Variants in NDST4 observed in about 807,000 individuals in gnomAD.
The protein encoded by NDST4 is N-deacetylase and N-sulfotransferase 4, also known as N-heparan sulfate sulfotransferase 4.
In NDST4, 63 loss-of-function variants were observed where a neutral mutation model predicts 100.8. The observed-to-expected ratio is 0.62, with a 90% CI of 0.51 to 0.77. The LOEUF (loss-of-function observed/expected upper bound fraction) is 0.77, where lower values mean the gene tolerates loss of function less well. NDST4 is among the 30% of genes least tolerant of loss of function. The pLI is 0.00. For missense variants in NDST4, 943 were observed against 1,018.4 expected, an observed-to-expected ratio of 0.93 and a Z score of 1.01; for synonymous variants, 377 against 361.8, an observed-to-expected ratio of 1.04 and a Z score of -0.48.
intron 2 of NDST4, among the ~76,000 whole-genome samples, chr4:115,029,072 C>A (rs1480645885): frequency 6.6e-6 from 1 of 152,008 alleles, no homozygotes; most frequent in Non-Finnish European, 1.5e-5. Context: ...GAGCTTCAGT[C>A]AAGAAACTTA....
chr4:114,900,969 T>C (rs978852283), intron 6 of NDST4, among the ~76,000 whole-genome samples: 2 of 152,104 alleles, frequency 1.3e-5, no homozygotes, highest in Non-Finnish European at 2.9e-5. Flanking sequence ...CTTTCTATTA[T>C]TGATTTCTAG....
At chr4:115,033,842 A>T (rs182969456) in intron 2 of NDST4, among the ~76,000 whole-genome samples, 1 of 152,272 alleles carries the variant, frequency 6.6e-6, no homozygotes, top group Admixed American at 6.5e-5. Flanking sequence ...GAATTAACAT[A>T]AATTACAAAA....
chr4:114,880,518 A>G (rs1192752580), intron 6 of NDST4, among the ~76,000 whole-genome samples: 2 of 152,200 alleles, frequency 1.3e-5, no homozygotes, highest in Admixed American at 6.6e-5. Flanking sequence ...AAACATGTCC[A>G]TTAGTAATCA....
chr4:114,988,271 T>C (rs1726955216), intron 2 of NDST4, among the ~76,000 whole-genome samples: 1 of 151,574 alleles, frequency 6.6e-6, no homozygotes, highest in Non-Finnish European at 1.5e-5. Context: ...ATTCAAATTT[T>C]CATGATCAAT....
chr4:114,977,352 T>C, intron 2 of NDST4, 78 bp from the exon 3 acceptor site: 1 of 882,974 alleles, frequency 1.1e-6, no homozygotes, highest in Non-Finnish European at 1.8e-6. Context: ...CAAATGTGTA[T>C]GCATGAGTAA....
rs966650716 is a variant in NDST4, at chr4:115,051,287, T to A, written c.978+24772A>T. Among the ~76,000 whole-genome samples the A allele has an allele frequency of 2.6e-5, 4 of 152,210 alleles. No homozygotes were observed. In the East Asian group the frequency reaches 7.7e-4, roughly 29 times the overall value. ...GGATAAACATCTGTAAATTTTACAT[T>A]TTTTTATTTTGTTTTTTTTTATAGC... On this transcript the variant is annotated intron_variant, in intron 2 of 13. Transcript: ENST00000264363.
At chr4:114,950,586 A>G (rs982020042) in intron 4 of NDST4, among the ~76,000 whole-genome samples, 2 of 152,076 alleles carry the variant, frequency 1.3e-5, no homozygotes, top group Non-Finnish European at 2.9e-5. Context: ...ACACTAACAG[A>G]CTGCAGGCTA....
At chr4:115,007,002 G>T (rs1239415953) in intron 2 of NDST4, among the ~76,000 whole-genome samples, 1 of 152,094 alleles carries the variant, frequency 6.6e-6, no homozygotes, top group Admixed American at 6.6e-5. Context: ...AGGTTTTATT[G>T]CATATTTACT....
chr4:114,975,530 C>A (rs114510159), intron 3 of NDST4, among the ~76,000 whole-genome samples: 2,693 of 152,032 alleles, frequency 0.018, 72 homozygotes, highest in African/African-American at 0.06. Flanking sequence ...TGCTCATTTC[C>A]CAGTGGTTGT....
chr4:114,934,784 T>C (rs1441029397), intron 6 of NDST4, among the ~76,000 whole-genome samples: 1 of 151,954 alleles, frequency 6.6e-6, no homozygotes, highest in African/African-American at 2.4e-5. Flanking sequence ...GAATGAGAGA[T>C]GATAGTATGT....
At chr4:114,968,653 G>T (rs538243928) in intron 4 of NDST4, among the ~76,000 whole-genome samples, 23 of 152,242 alleles carry the variant, frequency 1.5e-4, no homozygotes, top group Admixed American at 5.9e-4. Context: ...TTTTATTTAT[G>T]AACATTTAAA....
intron 2 of NDST4, among the ~76,000 whole-genome samples, chr4:115,049,479 A>G (rs1169438052): frequency 6.6e-6 from 1 of 152,130 alleles, no homozygotes; most frequent in African/African-American, 2.4e-5. Flanking sequence ...ACACTAGGAT[A>G]ATCATGTAGG....
At chr4:114,970,659 T>C in intron 3 of NDST4, 75 bp from the exon 4 acceptor site, 1 of 1,323,996 alleles carries the variant, frequency 7.6e-7, no homozygotes, top group Non-Finnish European at 1.0e-6. Flanking sequence ...GTCAGATTTA[T>C]GTTAATTTTT....
At chr4:114,855,270 T>G (rs372503717) in intron 7 of NDST4, among the ~76,000 whole-genome samples, 20 of 152,262 alleles carry the variant, frequency 1.3e-4, no homozygotes, top group African/African-American at 4.6e-4. Context: ...CTGTGCAGCC[T>G]TTTAACTTGA....
At chr4:115,075,982 A>G (rs879809217) in intron 2 of NDST4, 77 bp downstream of exon 2, 4 of 1,478,546 alleles carry the variant, frequency 2.7e-6, no homozygotes, top group Non-Finnish European at 3.6e-6. Flanking sequence ...GGGATTAATA[A>G]TCTATCATAT....
chr4:114,913,882 T>A (rs1725114254), intron 6 of NDST4, among the ~76,000 whole-genome samples: 1 of 152,082 alleles, frequency 6.6e-6, no homozygotes, highest in Non-Finnish European at 1.5e-5. Context: ...TTGTTCAAAA[T>A]TATTTTTATT....
intron 2 of NDST4, among the ~76,000 whole-genome samples, chr4:114,993,278 T>G (rs1452789589): frequency 1.3e-5 from 2 of 152,050 alleles, no homozygotes; most frequent in South Asian, 2.1e-4. Context: ...TTTTGAAAGT[T>G]TAGGATTCAT....
At chr4:114,917,470 A>G (rs1725197930) in intron 6 of NDST4, among the ~76,000 whole-genome samples, 1 of 152,208 alleles carries the variant, frequency 6.6e-6, no homozygotes, top group Admixed American at 6.5e-5. Context: ...CCTTAGAGAG[A>G]CAGCATAATG....
intron 6 of NDST4, among the ~76,000 whole-genome samples, chr4:114,873,494 T>C (rs926842343): frequency 6.6e-6 from 1 of 151,962 alleles, no homozygotes; most frequent in African/African-American, 2.4e-5. Context: ...TTTAGGGGTT[T>C]AACTTAAATT....
Sources: allele counts gnomAD v4.1 joint callset (sites outside exome capture counted in the v4.1 genomes callset), GRCh38; gene constraint gnomAD v4.1.1; transcripts MANE v1.5; gene names NCBI Gene and HGNC (gene_info 2026-07-23, HGNC 2026-07-21).